The following FARS2 variants were observed in gnomAD, a reference collection of about 807,000 sequenced individuals.
The protein encoded by FARS2 is phenylalanyl-tRNA synthetase 2, mitochondrial.
Under a neutral mutation model 46.4 loss-of-function variants are expected in FARS2, and 40 were observed. The ratio of observed to expected loss-of-function variants is 0.86; its 90% CI spans 0.67 to 1.12. FARS2 has a LOEUF of 1.12. Ranked by LOEUF, FARS2 falls within the 50% of genes most tolerant of loss-of-function variation. The pLI is 0.00. For missense variants in FARS2, 513 were observed against 567.9 expected, an observed-to-expected ratio of 0.90 and a Z score of 0.98; for synonymous variants, 234 against 214.9, an observed-to-expected ratio of 1.09 and a Z score of -0.78.
chr6:5,283,409 C>T (rs986759232), intron 1 of FARS2, among the ~76,000 whole-genome samples: 3 of 147,832 alleles, frequency 2.0e-5, no homozygotes, highest in Non-Finnish European at 4.5e-5. Flanking sequence ...ATTAGCCAGG[C>T]GTCTTGGTGG....
intron 2 of FARS2, among the ~76,000 whole-genome samples, chr6:5,385,363 T>C (rs558366106): frequency 2.6e-5 from 4 of 152,344 alleles, no homozygotes; most frequent in Non-Finnish European, 4.4e-5. Context: ...AATAATGTAA[T>C]TGAATTTGCT....
rs1763050186 is a variant in FARS2, at chr6:5,771,534, T to A, written c.*105T>A. 3 of 1,237,434 alleles carry A rather than the reference T, an allele frequency of 2.4e-6. No homozygotes were observed. 76.7% of individuals were successfully genotyped at this position (1,237,434 alleles called of 1,614,324 possible). A position where few individuals can be genotyped will look rare whatever the true frequency, so the allele number is the denominator to read the frequency against. On this transcript the variant is annotated 3_prime_UTR_variant, in exon 7 of 7. Coordinates refer to ENST00000274680, the MANE Select transcript of FARS2 (RefSeq NM_006567.5). ...GGGGCATCAATCATCTTTTGATAAATGGATCAGTTTTAGGACTTTCAGAAA... is the reference window on the plus strand; with the variant it reads ...GGGGCATCAATCATCTTTTGATAAAAGGATCAGTTTTAGGACTTTCAGAAA...
intron 1 of FARS2, among the ~76,000 whole-genome samples, chr6:5,344,172 G>T (rs1231866525): frequency 6.6e-6 from 1 of 152,172 alleles, no homozygotes; most frequent in Non-Finnish European, 1.5e-5. Flanking sequence ...CTGTGATTCA[G>T]GAAAGCCACT....
intron 4 of FARS2, among the ~76,000 whole-genome samples, chr6:5,484,896 G>A (rs535406018): frequency 2.0e-5 from 3 of 152,168 alleles, no homozygotes; most frequent in Non-Finnish European, 2.9e-5. Flanking sequence ...GAGGGGGCCT[G>A]GACTCCTGGG....
chr6:5,491,311 A>G (rs1259435404), intron 4 of FARS2, among the ~76,000 whole-genome samples: 1 of 152,104 alleles, frequency 6.6e-6, no homozygotes, highest in Non-Finnish European at 1.5e-5. Context: ...TCTTCCCTGA[A>G]AATTTGTTGC....
chr6:5,291,691 G>C (rs1767516272), intron 1 of FARS2, among the ~76,000 whole-genome samples: 1 of 151,868 alleles, frequency 6.6e-6, no homozygotes, highest in South Asian at 2.1e-4. Flanking sequence ...CCAGGAGTTT[G>C]AGGCTAAAGT....
At chr6:5,613,080 A>G in intron 5 of FARS2, 89 bp from the exon 6 acceptor site, 1 of 1,078,352 alleles carries the variant, frequency 9.3e-7, no homozygotes, top group South Asian at 1.4e-5. Flanking sequence ...AGCATTTCCT[A>G]ATTAGTCAAG....
At chr6:5,466,527 A>C (rs1765524048) in intron 4 of FARS2, 1 of 984,802 alleles carries the variant, frequency 1.0e-6, no homozygotes, top group African/African-American at 1.7e-5. Flanking sequence ...TGTATACCTC[A>C]TTGGAAGTTT....
chr6:5,469,965 T>C (rs1254851509), intron 4 of FARS2, among the ~76,000 whole-genome samples: 1 of 152,236 alleles, frequency 6.6e-6, no homozygotes, highest in African/African-American at 2.4e-5. Context: ...GGAATAATAC[T>C]GGTACTGACC....
chr6:5,647,304 T>C (rs571047282), intron 6 of FARS2, among the ~76,000 whole-genome samples: 2 of 152,282 alleles, frequency 1.3e-5, no homozygotes, highest in East Asian at 3.9e-4. Flanking sequence ...GTTTGGCACA[T>C]ACCAGATAAT....
chr6:5,408,815 G>A (rs181609640), intron 3 of FARS2, among the ~76,000 whole-genome samples: 176 of 152,230 alleles, frequency 1.2e-3, no homozygotes, highest in Middle Eastern at 6.8e-3. Flanking sequence ...CCTTTATCAT[G>A]TCTGAGGGAA....
intron 6 of FARS2, among the ~76,000 whole-genome samples, chr6:5,651,327 C>T (rs986129375): frequency 2.0e-5 from 3 of 152,158 alleles, no homozygotes; most frequent in Admixed American, 6.5e-5. Context: ...ACAGGACTGT[C>T]GATTGAAAAT....
chr6:5,498,987 T>C (rs1327146209), intron 4 of FARS2, among the ~76,000 whole-genome samples: 1 of 152,112 alleles, frequency 6.6e-6, no homozygotes, highest in African/African-American at 2.4e-5. Flanking sequence ...AACCTCCGCC[T>C]CCTGGGTTCA....
At chr6:5,385,117 AT>A (rs1464432149) in intron 2 of FARS2, among the ~76,000 whole-genome samples, 1 of 152,198 alleles carries the variant, frequency 6.6e-6, no homozygotes, top group Non-Finnish European at 1.5e-5. Flanking sequence ...ACAGAGTTGT[AT>A]TTAACTGGGC....
chr6:5,413,591 A>G (rs866388701), intron 3 of FARS2, among the ~76,000 whole-genome samples: 2 of 152,210 alleles, frequency 1.3e-5, no homozygotes, highest in Admixed American at 6.5e-5. Flanking sequence ...TTCTAGCTCT[A>G]CTAAGGAATT....
At chr6:5,731,627 C>A (rs1183622628) in intron 6 of FARS2, among the ~76,000 whole-genome samples, 1 of 152,180 alleles carries the variant, frequency 6.6e-6, no homozygotes, top group Non-Finnish European at 1.5e-5. Flanking sequence ...CATGTCATAG[C>A]AGGGCAGAAG....
intron 4 of FARS2, among the ~76,000 whole-genome samples, chr6:5,493,853 A>G (rs1177376634): frequency 6.6e-6 from 1 of 152,248 alleles, no homozygotes; most frequent in African/African-American, 2.4e-5. Context: ...TATAAAGTAC[A>G]ACATGCTGCA....
intron 4 of FARS2, among the ~76,000 whole-genome samples, chr6:5,454,022 A>C (rs1764668835): frequency 6.6e-6 from 1 of 152,060 alleles, no homozygotes; most frequent in Non-Finnish European, 1.5e-5. Context: ...TAGCATCAAT[A>C]TTATTATTAT....
Position 5,365,314 on chromosome 6 carries a change from T to TTAC in FARS2, c.-21-3235_-21-3234insACT, listed in dbSNP as rs1221690610. On this transcript the variant is annotated intron_variant, in intron 1 of 6. Coordinates refer to ENST00000274680, the MANE Select transcript of FARS2 (RefSeq NM_006567.5). ...TTGGACCTTTGATTGAGAAGTATAC[T>TTAC]TTCTTTTTTTTTTTTTTTTTTTTTT... Among the ~76,000 whole-genome samples the TTAC allele has an allele frequency of 6.4e-5, 8 of 124,832 alleles. No homozygotes were observed. In the South Asian group the frequency reaches 1.5e-3, roughly 23 times the overall value. The allele number at this position is 124,832 out of a possible 152,430, so 81.9% of individuals were successfully genotyped here.
Sources: allele counts gnomAD v4.1 joint callset (sites outside exome capture counted in the v4.1 genomes callset), GRCh38; gene constraint gnomAD v4.1.1; transcripts MANE v1.5; gene names NCBI Gene and HGNC (gene_info 2026-07-23, HGNC 2026-07-21).